The following KHDC1 variants were observed in gnomAD, a reference collection of about 807,000 sequenced individuals.
The protein encoded by KHDC1 is KH homology domain-containing protein 1.
Under a neutral mutation model 24.7 loss-of-function variants are expected in KHDC1, and 21 were observed. The ratio of observed to expected loss-of-function variants is 0.85; its 90% CI spans 0.60 to 1.23. The LOEUF is 1.23. Among genes scored for constraint, KHDC1 ranks in the 50% most tolerant of loss-of-function variants. The pLI is 0.00. For missense variants in KHDC1, 274 were observed against 298.5 expected (o/e 0.92, Z 0.61); for synonymous variants, 98 against 111.7 (o/e 0.88, Z 0.77).
At chr6:73,289,258 C>T (rs542357588) in intron 2 of KHDC1, among the ~76,000 whole-genome samples, 11 of 122,526 alleles carry the variant, frequency 9.0e-5, no homozygotes, top group Middle Eastern at 7.8e-3. Context: ...CACTTGAACC[C>T]GGGAGGCGGT....
exon 5 of KHDC1, chr6:73,241,694 A>G: frequency 6.2e-7 from 1 of 1,614,188 alleles, no homozygotes. Flanking sequence ...CGTTGGTCAG[A>G]GGCTGGCTTC....
chr6:73,304,147 C>A (rs544658036), intron 1 of KHDC1, among the ~76,000 whole-genome samples: 101 of 151,852 alleles, frequency 6.7e-4, no homozygotes, highest in Admixed American at 2.3e-3. Context: ...CCACTGCACA[C>A]CAGCCTAGGT....
intron 1 of KHDC1, among the ~76,000 whole-genome samples, chr6:73,304,567 A>C (rs989715916): frequency 3.9e-5 from 6 of 152,164 alleles, no homozygotes. Context: ...CTCCCAAAGT[A>C]CTAGGATGAC....
rs116834004 is a variant in KHDC1, at chr6:73,265,558, G to A, written c.207-23028C>T. ...AAAAAAAAAAAAAAAAAAAAGTAAC[G>A]TGACTGGTCACTGTGAGCTGGATTG... is the stretch of plus-strand genomic sequence containing the variant. On this transcript the variant is annotated intron_variant, in intron 2 of 4. Transcript: ENST00000370384. Among the ~76,000 whole-genome samples, 1,350 of 142,098 alleles carry A rather than the reference G, an allele frequency of 9.5e-3. 24 individuals are homozygous for A. The highest frequency in any genetic ancestry group is 0.033 in the African/African-American group (1,263 of 38,076). The allele number at this position is 142,098 out of a possible 152,430, so 93.2% of individuals were successfully genotyped here. A position where few individuals can be genotyped will look rare whatever the true frequency, so the allele number is the denominator to read the frequency against.
intron 2 of KHDC1, among the ~76,000 whole-genome samples, chr6:73,262,095 A>G (rs1273362376): frequency 4.6e-5 from 7 of 151,982 alleles, no homozygotes; most frequent in African/African-American, 1.7e-4. Flanking sequence ...AAAAAAGCAT[A>G]GACTCTAGGG....
intron 2 of KHDC1, chr6:73,269,878 C>T (rs1767149990): frequency 1.3e-5 from 2 of 152,098 alleles, no homozygotes; most frequent in South Asian, 4.2e-4. Context: ...AGTTATCTTC[C>T]CACCTCAGTC....
chr6:73,294,932 T>C (rs534128974), intron 1 of KHDC1, among the ~76,000 whole-genome samples: 4 of 152,246 alleles, frequency 2.6e-5, no homozygotes, highest in East Asian at 3.9e-4. Flanking sequence ...GGTGGGCAGA[T>C]TGCTTGAGTC....
intron 2 of KHDC1, among the ~76,000 whole-genome samples, chr6:73,283,869 C>A (rs149484099): frequency 2.0e-4 from 31 of 152,106 alleles, no homozygotes; most frequent in African/African-American, 7.2e-4. Context: ...ACCACCGTGC[C>A]TGGCACCATT....
At chr6:73,261,335 T>C (rs1256338967) in intron 2 of KHDC1, among the ~76,000 whole-genome samples, 1 of 151,230 alleles carries the variant, frequency 6.6e-6, no homozygotes, top group African/African-American at 2.4e-5. Context: ...CCCAGCTACT[T>C]GAGAGGCTGA....
intron 1 of KHDC1, among the ~76,000 whole-genome samples, chr6:73,302,991 T>C (rs185948284): frequency 6.6e-6 from 1 of 152,282 alleles, no homozygotes; most frequent in Non-Finnish European, 1.5e-5. Context: ...GCACAAGAAT[T>C]GCTTGAACCC....
At chr6:73,296,843 T>C (rs1767768159) in intron 1 of KHDC1, among the ~76,000 whole-genome samples, 1 of 152,140 alleles carries the variant, frequency 6.6e-6, no homozygotes, top group Non-Finnish European at 1.5e-5. Flanking sequence ...TCAACCTCTC[T>C]CAGTTAATTA....
intron 2 of KHDC1, chr6:73,290,582 C>G (rs1316326682): frequency 3.9e-6 from 2 of 510,962 alleles, no homozygotes; most frequent in Admixed American, 4.0e-5. Flanking sequence ...CTGGGAGAAG[C>G]TTCTGCTGGC....
intron 1 of KHDC1, among the ~76,000 whole-genome samples, chr6:73,306,058 C>A (rs570796785): frequency 6.6e-6 from 1 of 152,054 alleles, no homozygotes; most frequent in African/African-American, 2.4e-5. Flanking sequence ...GTTTTTATTG[C>A]GGAAATGTTA....
rs576812355 is a variant in KHDC1, at chr6:73,242,052, T to C, written c.514+3A>G. ...AAACCACAGTTCAGCCAAGGATACCTACCTCGAGCATGATGATAGGAGTCC... is the reference window on the plus strand; with the variant it reads ...AAACCACAGTTCAGCCAAGGATACCCACCTCGAGCATGATGATAGGAGTCC... On this transcript the variant is annotated splice_donor_region_variant and intron_variant, in intron 4 of 4. Transcript: ENST00000370384. 7 of 1,609,012 alleles carry C rather than the reference T, an allele frequency of 4.4e-6. No individual in the cohort carries two copies. In the South Asian group the frequency reaches 7.8e-5, roughly 18 times the overall value.
intron 1 of KHDC1, among the ~76,000 whole-genome samples, chr6:73,295,728 C>G (rs1243059029): frequency 6.6e-6 from 1 of 151,952 alleles, no homozygotes; most frequent in African/African-American, 2.4e-5. Context: ...CACCTGTAGT[C>G]CCAGCTACTC....
chr6:73,272,892 T>C (rs1184184254), intron 2 of KHDC1, among the ~76,000 whole-genome samples: 1 of 143,836 alleles, frequency 7.0e-6, no homozygotes, highest in African/African-American at 2.6e-5. Context: ...GGAGTCTCAC[T>C]CTGTCACCCA....
At chr6:73,307,201 G>A (rs543765316) in intron 1 of KHDC1, among the ~76,000 whole-genome samples, 43 of 151,996 alleles carry the variant, frequency 2.8e-4, no homozygotes, top group African/African-American at 9.4e-4. Flanking sequence ...AGGCTGAGGC[G>A]GGTGGATCAC....
At chr6:73,289,333 C>CAAAAAAAAAA (rs60179008) in intron 2 of KHDC1, among the ~76,000 whole-genome samples, 7 of 62,648 alleles carry the variant, frequency 1.1e-4, no homozygotes, top group Non-Finnish European at 1.2e-4. Context: ...GACTCCATCT[C>CAAAAAAAAAA]AAAAAAAAAA....
chr6:73,263,067 G>A (rs1216393114), intron 2 of KHDC1: 4 of 108,778 alleles, frequency 3.7e-5, no homozygotes, highest in African/African-American at 1.3e-4. Context: ...CGGCGGCGGC[G>A]GCAGCGGCGG....
Sources: allele counts gnomAD v4.1 joint callset (sites outside exome capture counted in the v4.1 genomes callset), GRCh38; gene constraint gnomAD v4.1.1; transcripts MANE v1.5; gene names NCBI Gene and HGNC (gene_info 2026-07-23, HGNC 2026-07-21).